The following SKAP1 variants were observed in gnomAD, a reference collection of about 807,000 sequenced individuals.
SKAP1 encodes the protein src kinase-associated phosphoprotein 1.
A neutral mutation model predicts 58.5 loss-of-function variants in SKAP1; 44 were observed. That is an observed-to-expected ratio of 0.75 (90% confidence interval 0.59 to 0.97). The LOEUF (loss-of-function observed/expected upper bound fraction) is 0.97, where lower values mean the gene tolerates loss of function less well. Among genes scored for constraint, SKAP1 ranks in the 50% least tolerant of loss-of-function variants. The probability of loss-of-function intolerance (pLI) is 0.00; values close to 1 mark genes in which losing one functional copy is unlikely to be tolerated. For missense variants in SKAP1, 390 were observed against 435.2 expected, an observed-to-expected ratio of 0.90 and a Z score of 0.92; for synonymous variants, 127 against 149.7, an observed-to-expected ratio of 0.85 and a Z score of 1.11.
chr17:48,201,151 C>A (rs1034696247), intron 4 of SKAP1, among the ~76,000 whole-genome samples: 4 of 152,046 alleles, frequency 2.6e-5, no homozygotes, highest in Non-Finnish European at 5.9e-5. Context: ...GAAGTTAGCT[C>A]GTATCACAGC....
intron 4 of SKAP1, among the ~76,000 whole-genome samples, chr17:48,310,027 AC>A (rs1441385941): frequency 6.6e-6 from 1 of 152,054 alleles, no homozygotes; most frequent in Non-Finnish European, 1.5e-5. Context: ...ACTTCGAAAG[AC>A]CCTCTTTCCA....
intron 4 of SKAP1, among the ~76,000 whole-genome samples, chr17:48,313,975 A>C (rs1403280282): frequency 6.6e-6 from 1 of 152,248 alleles, no homozygotes; most frequent in Non-Finnish European, 1.5e-5. Context: ...ATGTGATTTA[A>C]AAGCAAAACT....
intron 4 of SKAP1, among the ~76,000 whole-genome samples, chr17:48,319,886 T>C (rs1236001740): frequency 1.3e-5 from 2 of 152,034 alleles, no homozygotes; most frequent in Non-Finnish European, 2.9e-5. Flanking sequence ...TGAATTCCTC[T>C]CTTTTAATAA....
At chr17:48,230,328 A>G (rs566010124) in intron 4 of SKAP1, among the ~76,000 whole-genome samples, 1 of 152,378 alleles carries the variant, frequency 6.6e-6, no homozygotes, top group Admixed American at 6.5e-5. Flanking sequence ...TAAAGCATCA[A>G]CAAAGCTTTG....
chr17:48,140,922 G>A (rs1278861358), intron 11 of SKAP1, among the ~76,000 whole-genome samples: 1 of 151,880 alleles, frequency 6.6e-6, no homozygotes, highest in Non-Finnish European at 1.5e-5. Context: ...GAGTAGCTAG[G>A]ACTACAGGCA....
chr17:48,389,178 A>G (rs886583789), intron 2 of SKAP1, among the ~76,000 whole-genome samples: 2 of 152,350 alleles, frequency 1.3e-5, no homozygotes, highest in East Asian at 1.9e-4. Flanking sequence ...ACCAGCATCA[A>G]ATTGGAATTT....
intron 10 of SKAP1, 94 bp from the exon 11 acceptor site, chr17:48,162,663 T>C (rs1171292900): frequency 6.9e-6 from 6 of 868,868 alleles, no homozygotes; most frequent in Non-Finnish European, 1.1e-5. Flanking sequence ...GGTTCTGATA[T>C]TGCCCCTAGG....
At chr17:48,362,068 C>A (rs2066945372) in intron 3 of SKAP1, among the ~76,000 whole-genome samples, 1 of 152,190 alleles carries the variant, frequency 6.6e-6, no homozygotes, top group Non-Finnish European at 1.5e-5. Flanking sequence ...CTTCCAAATG[C>A]ACTAAGACTT....
At chr17:48,169,322 C>T (rs1484506024) in intron 10 of SKAP1, among the ~76,000 whole-genome samples, 2 of 152,184 alleles carry the variant, frequency 1.3e-5, no homozygotes, top group Non-Finnish European at 2.9e-5. Context: ...CTTACAGTTA[C>T]TCCACCCAAG....
chr17:48,251,227 T>A (rs989489406), intron 4 of SKAP1, among the ~76,000 whole-genome samples: 9 of 152,244 alleles, frequency 5.9e-5, no homozygotes, highest in African/African-American at 2.2e-4. Flanking sequence ...CACAGCTTTA[T>A]TTCTTCCGTT....
intron 10 of SKAP1, among the ~76,000 whole-genome samples, chr17:48,164,205 T>C: frequency 6.6e-6 from 1 of 152,234 alleles, no homozygotes; most frequent in African/African-American, 2.4e-5. Context: ...AGAGGATATA[T>C]TATGAATTTT....
chr17:48,143,293 C>T (rs1389904719), intron 11 of SKAP1, among the ~76,000 whole-genome samples: 26 of 149,450 alleles, frequency 1.7e-4, no homozygotes, highest in Non-Finnish European at 3.0e-5. Context: ...CTCCTGGGCT[C>T]GAGATTCTCC....
At chr17:48,398,528 T>TC (rs965981320) in intron 1 of SKAP1, among the ~76,000 whole-genome samples, 144 of 151,296 alleles carry the variant, frequency 9.5e-4, no homozygotes, top group African/African-American at 3.4e-3. Context: ...CGCCAAACCA[T>TC]CCCCCCACCC....
intron 1 of SKAP1, among the ~76,000 whole-genome samples, chr17:48,429,265 A>G (rs968123208): frequency 1.3e-5 from 2 of 152,322 alleles, no homozygotes; most frequent in Admixed American, 6.5e-5. Flanking sequence ...AGCAAGTAAA[A>G]GTGACTTCCA....
chr17:48,285,016 G>A (rs1361277224), intron 4 of SKAP1, among the ~76,000 whole-genome samples: 1 of 152,130 alleles, frequency 6.6e-6, no homozygotes, highest in Non-Finnish European at 1.5e-5. Context: ...TTAATATATG[G>A]AGATTTCTCT....
At chr17:48,336,753 AT>A (rs1233836616) in intron 4 of SKAP1, among the ~76,000 whole-genome samples, 1 of 152,190 alleles carries the variant, frequency 6.6e-6, no homozygotes, top group Admixed American at 6.5e-5. Flanking sequence ...GCTAGATTAG[AT>A]AACTCAAAGT....
chr17:48,392,878 T>TA (rs377063672), intron 2 of SKAP1, among the ~76,000 whole-genome samples: 2,075 of 124,500 alleles, frequency 0.017, 25 homozygotes, highest in African/African-American at 0.046. Flanking sequence ...TATATATATA[T>TA]TTTTTTTTTC....
chr17:48,364,661 C>T (rs1392557214), intron 2 of SKAP1, among the ~76,000 whole-genome samples: 2 of 151,990 alleles, frequency 1.3e-5, no homozygotes, highest in African/African-American at 2.4e-5. Flanking sequence ...GGTGACAGAG[C>T]GAGACTCCAT....
chr17:48,259,351 G>T (rs570308142), intron 4 of SKAP1, among the ~76,000 whole-genome samples: 1 of 152,070 alleles, frequency 6.6e-6, no homozygotes, highest in East Asian at 1.9e-4. Flanking sequence ...ATAACATTGG[G>T]TATTAAAGAG....
Sources: allele counts gnomAD v4.1 joint callset (sites outside exome capture counted in the v4.1 genomes callset), GRCh38; gene constraint gnomAD v4.1.1; transcripts MANE v1.5; gene names NCBI Gene and HGNC (gene_info 2026-07-23, HGNC 2026-07-21).